The following SLC8A1 variants were observed in gnomAD, a reference collection of about 807,000 sequenced individuals.
SLC8A1 encodes sodium/calcium exchanger 1.
SLC8A1 carries 18 observed loss-of-function variants against 68.3 expected under a neutral mutation model. That is an observed-to-expected ratio of 0.26 (90% CI 0.18 to 0.39). The LOEUF is 0.39. Among genes scored for constraint, SLC8A1 ranks in the 10% least tolerant of loss-of-function variants. The pLI, the probability that SLC8A1 is intolerant of heterozygous loss-of-function variation, is 1.00. For synonymous variants in SLC8A1, 475 were observed against 415.5 expected (o/e 1.14, Z -1.74); for missense variants, 985 against 1,156.7 (o/e 0.85, Z 2.15).
chr2:40,122,731 G>C (rs191386783), intron 7 of SLC8A1, among the ~76,000 whole-genome samples: 3 of 152,190 alleles, frequency 2.0e-5, no homozygotes, highest in Non-Finnish European at 4.4e-5. Context: ...GGAGGACAAT[G>C]ATGCCTCCCT....
At chr2:40,139,407 C>T (rs766404883) in exon 7 of SLC8A1, 1 of 1,614,108 alleles carries the variant, frequency 6.2e-7, no homozygotes, top group Admixed American at 1.7e-5. Flanking sequence ...GTACCTGGCA[C>T]TGATGTTCCA....
intron 1 of SLC8A1, among the ~76,000 whole-genome samples, chr2:40,448,617 A>G (rs756443307): frequency 2.6e-5 from 4 of 152,226 alleles, no homozygotes; most frequent in Non-Finnish European, 5.9e-5. Flanking sequence ...TAAGGGAACC[A>G]TAAGTGATGT....
At chr2:40,221,389 A>G (rs2148841531) in intron 2 of SLC8A1, among the ~76,000 whole-genome samples, 1 of 152,340 alleles carries the variant, frequency 6.6e-6, no homozygotes, top group South Asian at 2.1e-4. Flanking sequence ...TTTCAAAATA[A>G]TAAGAGCTAT....
At chr2:40,413,694 G>C (rs930329159) in intron 2 of SLC8A1, among the ~76,000 whole-genome samples, 36 of 152,138 alleles carry the variant, frequency 2.4e-4, no homozygotes, top group African/African-American at 8.7e-4. Flanking sequence ...TGCACAGCAT[G>C]ATACAAATTA....
intron 2 of SLC8A1, among the ~76,000 whole-genome samples, chr2:40,339,523 T>A (rs1173213831): frequency 6.6e-6 from 1 of 152,216 alleles, no homozygotes; most frequent in Non-Finnish European, 1.5e-5. Context: ...CCATTTTCAC[T>A]GTACCAGATT....
chr2:40,190,116 A>G (rs2051486249), intron 2 of SLC8A1, among the ~76,000 whole-genome samples: 1 of 152,226 alleles, frequency 6.6e-6, no homozygotes, highest in Admixed American at 6.5e-5. Context: ...TTCTGTAACA[A>G]AAAATTCTTC....
chr2:40,262,131 T>G (rs1235432794), intron 2 of SLC8A1, among the ~76,000 whole-genome samples: 1 of 151,978 alleles, frequency 6.6e-6, no homozygotes, highest in African/African-American at 2.4e-5. Flanking sequence ...CCCAGCTAAT[T>G]TTTGTGTTTT....
rs1431928871 is a variant in SLC8A1, at chr2:40,479,842, C to T, written c.-25+32507G>A. Among the ~76,000 whole-genome samples the T allele has an allele frequency of 1.3e-5, 2 of 152,236 alleles. 1 individual carries two copies. Among genetic ancestry groups the T allele is most frequent in the Admixed American group, 1.3e-4 (2 of 15,278 alleles). ...AGTTAGTATCCCTTGCATTGTTTGT[C>T]CCTTCATAGTGATCCACTTACTAGC... On this transcript the variant is annotated intron_variant, in intron 1 of 7. Coordinates refer to the SLC8A1 transcript ENST00000402441.
At chr2:40,434,903 C>T (rs541364378) in intron 1 of SLC8A1, among the ~76,000 whole-genome samples, 1 of 152,142 alleles carries the variant, frequency 6.6e-6, no homozygotes, top group Non-Finnish European at 1.5e-5. Flanking sequence ...AAACCCACAT[C>T]TACAAGAGAT....
chr2:40,420,151 G>A (rs1695076512), intron 2 of SLC8A1, among the ~76,000 whole-genome samples: 1 of 152,118 alleles, frequency 6.6e-6, no homozygotes, highest in Non-Finnish European at 1.5e-5. Context: ...TCTATGTGCT[G>A]CGGAGGTTGG....
intron 1 of SLC8A1, among the ~76,000 whole-genome samples, chr2:40,461,424 C>T (rs1703333202): frequency 1.3e-5 from 2 of 152,144 alleles, no homozygotes; most frequent in Non-Finnish European, 1.5e-5. Context: ...CCTTGGTGTG[C>T]TGGTGTTTCT....
At chr2:40,491,397 G>A (rs1576660131) in intron 1 of SLC8A1, among the ~76,000 whole-genome samples, 1 of 151,998 alleles carries the variant, frequency 6.6e-6, no homozygotes, top group South Asian at 2.1e-4. Flanking sequence ...GAGACAATGG[G>A]GTTTTCTAGA....
At chr2:40,295,130 C>T (rs1172980727) in intron 2 of SLC8A1, among the ~76,000 whole-genome samples, 1 of 151,658 alleles carries the variant, frequency 6.6e-6, no homozygotes, top group East Asian at 1.9e-4. Flanking sequence ...TGCAAGGTCT[C>T]ACTCTGTCAC....
Position 40,460,643 on chromosome 2 carries a change from G to T in SLC8A1, c.-24-30339C>A, listed in dbSNP as rs1250851365. Reference sequence around the variant, plus strand: ...TGCCCAGGCTGGAATGCAGTGGCATGATCTGCAACCTCCGCCTCCTGGGTT... The same window carrying T: ...TGCCCAGGCTGGAATGCAGTGGCATTATCTGCAACCTCCGCCTCCTGGGTT... On this transcript the variant is annotated intron_variant, in intron 1 of 7. Coordinates refer to the SLC8A1 transcript ENST00000402441. Among the ~76,000 whole-genome samples the T allele has an allele frequency of 2.0e-5, 3 of 150,780 alleles. No homozygotes were observed. The South Asian group carries it at 6.3e-4, about 32-fold the overall frequency.
intron 2 of SLC8A1, among the ~76,000 whole-genome samples, chr2:40,310,377 G>T (rs1218574683): frequency 6.6e-6 from 1 of 152,180 alleles, no homozygotes; most frequent in Non-Finnish European, 1.5e-5. Context: ...TCATAATTGA[G>T]AATTGAGGAA....
chr2:40,374,864 A>T (rs1679292462), intron 2 of SLC8A1, among the ~76,000 whole-genome samples: 1 of 152,136 alleles, frequency 6.6e-6, no homozygotes, highest in South Asian at 2.1e-4. Flanking sequence ...GAATTGAGAC[A>T]CTGAAAATAC....
At chr2:40,444,433 A>T (rs1270344984) in intron 1 of SLC8A1, among the ~76,000 whole-genome samples, 1 of 152,156 alleles carries the variant, frequency 6.6e-6, no homozygotes, top group Non-Finnish European at 1.5e-5. Context: ...GACATTTCAA[A>T]CCCAAATATC....
chr2:40,346,247 G>A (rs1394980638), intron 2 of SLC8A1, among the ~76,000 whole-genome samples: 1 of 152,020 alleles, frequency 6.6e-6, no homozygotes, highest in African/African-American at 2.4e-5. Flanking sequence ...GATGGGAGGA[G>A]TGACGAGATG....
chr2:40,122,254 T>C (rs956547849), intron 7 of SLC8A1, among the ~76,000 whole-genome samples: 1 of 149,082 alleles, frequency 6.7e-6, no homozygotes, highest in African/African-American at 2.5e-5. Context: ...ACACACACAC[T>C]TCACTGGTTC....
Sources: allele counts gnomAD v4.1 joint callset (sites outside exome capture counted in the v4.1 genomes callset), GRCh38; gene constraint gnomAD v4.1.1; transcripts MANE v1.5; gene names NCBI Gene and HGNC (gene_info 2026-07-23, HGNC 2026-07-21).